The following TMEM163 variants were observed in gnomAD, a reference collection of about 807,000 sequenced individuals.
TMEM163 encodes the protein transmembrane protein 163.
A neutral mutation model predicts 29.3 loss-of-function variants in TMEM163; 17 were observed. The observed-to-expected ratio is 0.58, with a 90% CI of 0.40 to 0.87. The LOEUF (loss-of-function observed/expected upper bound fraction) is 0.87. TMEM163 is among the 40% of genes least tolerant of loss of function. TMEM163 has a pLI of 0.00. For missense variants in TMEM163, 303 were observed against 381.5 expected, an observed-to-expected ratio of 0.79 and a Z score of 1.71; for synonymous variants, 157 against 160.6, an observed-to-expected ratio of 0.98 and a Z score of 0.17.
chr2:134,535,088 CAT>C (rs1404098400), intron 4 of TMEM163, among the ~76,000 whole-genome samples: 4 of 152,216 alleles, frequency 2.6e-5, no homozygotes, highest in Non-Finnish European at 4.4e-5. Context: ...CACATGTCCT[CAT>C]ATTCTGGAAG....
intron 2 of TMEM163, among the ~76,000 whole-genome samples, chr2:134,644,223 A>G (rs562858359): frequency 1.3e-5 from 2 of 152,292 alleles, no homozygotes; most frequent in South Asian, 4.1e-4. Context: ...AGGCCATTGA[A>G]TTCCAGAGAG....
At chr2:134,494,345 G>A (rs538911684) in intron 5 of TMEM163, among the ~76,000 whole-genome samples, 6 of 152,286 alleles carry the variant, frequency 3.9e-5, no homozygotes, top group East Asian at 3.9e-4. Flanking sequence ...TGAGGACTTT[G>A]ACCACATATG....
chr2:134,577,597 G>A (rs1325457065), intron 2 of TMEM163, among the ~76,000 whole-genome samples: 1 of 152,118 alleles, frequency 6.6e-6, no homozygotes, highest in Non-Finnish European at 1.5e-5. Context: ...AGGAGAGAGG[G>A]GGCAGGAAAG....
At chr2:134,510,448 G>A (rs1440849317) in intron 4 of TMEM163, among the ~76,000 whole-genome samples, 1 of 152,096 alleles carries the variant, frequency 6.6e-6, no homozygotes, top group East Asian at 1.9e-4. Context: ...GCTGGGATTG[G>A]GAAGGCTGAA....
rs554602651 is a variant in TMEM163 at position 134,536,406 on chromosome 2, T to A, written c.458+14164A>T. On this transcript the variant is annotated intron_variant, in intron 4 of 7. Coordinates refer to ENST00000281924, the MANE Select transcript of TMEM163 (RefSeq NM_030923.5). The stretch of plus-strand genomic sequence containing the variant: ...CTGTTTACAGCTGTTCTCTTCCTCC[T>A]TTTTCCTCCTGAGTACATAGCACGC... Among the ~76,000 whole-genome samples the A allele has an allele frequency of 1.4e-4, 22 of 152,272 alleles. No homozygotes were observed. In the South Asian group the frequency reaches 4.6e-3, roughly 32 times the overall value.
At chr2:134,640,783 T>C (rs913774909) in intron 2 of TMEM163, among the ~76,000 whole-genome samples, 2 of 152,138 alleles carry the variant, frequency 1.3e-5, no homozygotes, top group African/African-American at 4.8e-5. Context: ...TTACCTACCA[T>C]GCACCTTCAG....
chr2:134,492,238 C>T (rs1558921180), intron 5 of TMEM163, among the ~76,000 whole-genome samples: 1 of 152,168 alleles, frequency 6.6e-6, no homozygotes, highest in Non-Finnish European at 1.5e-5. Flanking sequence ...GAAAACAAAA[C>T]CTCACTTCAC....
chr2:134,718,068 C>T (rs1685072917), intron 1 of TMEM163, among the ~76,000 whole-genome samples: 1 of 152,258 alleles, frequency 6.6e-6, no homozygotes, highest in African/African-American at 2.4e-5. Flanking sequence ...TCAGTGGCAT[C>T]CATCCAGATG....
rs575893921 is a variant in TMEM163, at chr2:134,568,771, T to C, written c.323-16680A>G. 3.3e-5 allele frequency among the ~76,000 whole-genome samples: 5 copies of C among 152,250 alleles called. No homozygotes were observed. In the South Asian group the frequency reaches 1.0e-3, roughly 32 times the overall value. On this transcript the variant is annotated intron_variant, in intron 2 of 7. Coordinates refer to ENST00000281924, the MANE Select transcript of TMEM163 (RefSeq NM_030923.5). ...GAATGAAGGAAAGAAATCTTAGGTC[T>C]GGCTTCTGAATTAGCAAATGTATTA...
chr2:134,702,946 A>G (rs1024974511), intron 2 of TMEM163, among the ~76,000 whole-genome samples: 1 of 152,244 alleles, frequency 6.6e-6, no homozygotes, highest in African/African-American at 2.4e-5. Flanking sequence ...GCCACACTAC[A>G]AATGACAATA....
intron 5 of TMEM163, among the ~76,000 whole-genome samples, chr2:134,497,627 G>C (rs914295902): frequency 9.2e-5 from 14 of 152,162 alleles, no homozygotes; most frequent in African/African-American, 3.1e-4. Flanking sequence ...TGTTTATAAA[G>C]CATTTCTACA....
At chr2:134,520,669 C>T (rs1347490200) in intron 4 of TMEM163, among the ~76,000 whole-genome samples, 1 of 152,220 alleles carries the variant, frequency 6.6e-6, no homozygotes, top group African/African-American at 2.4e-5. Flanking sequence ...TAGCTCACCC[C>T]ATAAGGTCCA....
rs842353 is a variant in TMEM163, at chr2:134,585,720, C to T, written c.323-33629G>A. On this transcript the variant is annotated intron_variant, in intron 2 of 7. Transcript: ENST00000281924. ...TCGCGCCACTGCACTCCAGCCTGGGCGACAGAGCGAGACTCCGTCTCAAAA... is the reference window on the plus strand; with the variant it reads ...TCGCGCCACTGCACTCCAGCCTGGGTGACAGAGCGAGACTCCGTCTCAAAA... 1.0e-4 allele frequency among the ~76,000 whole-genome samples: 15 copies of T among 150,292 alleles called. No homozygotes were observed. In the South Asian group the frequency reaches 1.0e-3, roughly 10 times the overall value.
At chr2:134,483,260 C>G (rs372293348) in intron 5 of TMEM163, among the ~76,000 whole-genome samples, 65 of 152,106 alleles carry the variant, frequency 4.3e-4, no homozygotes, top group Non-Finnish European at 8.5e-4. Flanking sequence ...CTGAGATGAG[C>G]CACCCTGGCT....
At chr2:134,645,908 C>G (rs1683326025) in intron 2 of TMEM163, among the ~76,000 whole-genome samples, 1 of 152,078 alleles carries the variant, frequency 6.6e-6, no homozygotes, top group Admixed American at 6.5e-5. Flanking sequence ...TGTTAAAAGT[C>G]ATGGTACTGT....
intron 7 of TMEM163, among the ~76,000 whole-genome samples, chr2:134,457,739 G>A (rs1009406776): frequency 3.9e-5 from 6 of 152,222 alleles, no homozygotes; most frequent in African/African-American, 1.2e-4. Context: ...AGAGAGGAAG[G>A]AGCATAGATG....
At chr2:134,597,577 T>C (rs1156370060) in intron 2 of TMEM163, among the ~76,000 whole-genome samples, 1 of 152,172 alleles carries the variant, frequency 6.6e-6, no homozygotes, top group Non-Finnish European at 1.5e-5. Flanking sequence ...AAAATTCTCA[T>C]TTTTTGTTGT....
chr2:134,716,123 GA>G (rs779308331), intron 1 of TMEM163, among the ~76,000 whole-genome samples: 1 of 152,212 alleles, frequency 6.6e-6, no homozygotes, highest in Non-Finnish European at 1.5e-5. Context: ...GGGAAATGCT[GA>G]CACATATAAT....
intron 4 of TMEM163, among the ~76,000 whole-genome samples, chr2:134,544,355 C>G (rs1029330322): frequency 2.0e-5 from 3 of 152,192 alleles, no homozygotes; most frequent in Admixed American, 1.3e-4. Context: ...CTTCTCGTTT[C>G]CAAATCTCCT....
Sources: allele counts gnomAD v4.1 joint callset (sites outside exome capture counted in the v4.1 genomes callset), GRCh38; gene constraint gnomAD v4.1.1; transcripts MANE v1.5; gene names NCBI Gene and HGNC (gene_info 2026-07-23, HGNC 2026-07-21).